WWC1: variants seen among roughly 807,000 people sequenced by gnomAD.
The protein encoded by WWC1 is WW and C2 domain containing 1.
A neutral mutation model predicts 138.4 loss-of-function variants in WWC1; 55 were observed. The observed-to-expected ratio is 0.40, with a 90% CI of 0.32 to 0.50. The LOEUF is 0.50. Ranked by LOEUF, WWC1 falls within the 20% of genes least tolerant of loss-of-function variation. The probability of loss-of-function intolerance (pLI) is 0.72; values close to 1 mark genes in which losing one functional copy is unlikely to be tolerated. For missense variants in WWC1, 1,226 were observed against 1,420.4 expected (o/e 0.86, Z 2.20); for synonymous variants, 524 against 564.9 (o/e 0.93, Z 1.03).
intron 10 of WWC1, among the ~76,000 whole-genome samples, chr5:168,422,914 C>T (rs13168943): frequency 0.2 from 29,681 of 151,794 alleles, 2,993 homozygotes; most frequent in South Asian, 0.37. Flanking sequence ...GGGAGGCCGA[C>T]GCAGGCGGAT....
At chr5:168,422,204 G>A in intron 10 of WWC1, 107 bp downstream of exon 10, 1 of 1,122,584 alleles carries the variant, frequency 8.9e-7, no homozygotes, top group Non-Finnish European at 1.3e-6. Flanking sequence ...CGTGGCTTGA[G>A]AGTGGATGTT....
chr5:168,336,984 G>A (rs1773530891), intron 1 of WWC1, among the ~76,000 whole-genome samples: 1 of 152,162 alleles, frequency 6.6e-6, no homozygotes, highest in African/African-American at 2.4e-5. Context: ...AATCTTGATT[G>A]CAAAGCATCA....
chr5:168,398,078 A>G (rs914654689), intron 4 of WWC1, among the ~76,000 whole-genome samples: 21 of 141,798 alleles, frequency 1.5e-4, no homozygotes, highest in Non-Finnish European at 2.8e-4. Context: ...TCTGCATTTT[A>G]TTATTTTTAT....
At chr5:168,351,542 G>A (rs1774956422) in intron 1 of WWC1, among the ~76,000 whole-genome samples, 1 of 152,190 alleles carries the variant, frequency 6.6e-6, no homozygotes, top group Admixed American at 6.5e-5. Flanking sequence ...CCATGAGTTA[G>A]GATATGATGG....
rs531542700 is a variant in WWC1, at chr5:168,414,804, C to G, written c.1184+214C>G. On this transcript the variant is annotated intron_variant, in intron 9 of 22. Transcript: ENST00000265293. ...TACCCTGGAATTTTGCATGGTGAATCATGCTACCAAAAAGTCTGCTTAGGT... is the reference window on the plus strand; with the variant it reads ...TACCCTGGAATTTTGCATGGTGAATGATGCTACCAAAAAGTCTGCTTAGGT... 1.4e-5 allele frequency: 9 copies of G among 665,736 alleles called. No individual in the cohort carries two copies. The African/African-American group carries it at 1.4e-4, about 11-fold the overall frequency. 41.2% of individuals were successfully genotyped at this position (665,736 alleles called of 1,614,324 possible). A position where few individuals can be genotyped will look rare whatever the true frequency, so the allele number is the denominator to read the frequency against.
At chr5:168,418,516 G>T (rs1374030976) in intron 9 of WWC1, among the ~76,000 whole-genome samples, 11 of 152,126 alleles carry the variant, frequency 7.2e-5, no homozygotes, top group Admixed American at 7.2e-4. Flanking sequence ...CTCCCAGCGT[G>T]TGCCAGGCAT....
chr5:168,321,360 G>A (rs967902081), intron 1 of WWC1, among the ~76,000 whole-genome samples: 1 of 152,070 alleles, frequency 6.6e-6, no homozygotes, highest in Admixed American at 6.6e-5. Flanking sequence ...TTTCCTTAGC[G>A]AGGCAGGAAG....
At chr5:168,463,347 A>G (rs1191486067) in intron 20 of WWC1, among the ~76,000 whole-genome samples, 1 of 152,154 alleles carries the variant, frequency 6.6e-6, no homozygotes, top group Non-Finnish European at 1.5e-5. Context: ...ACTTTGTATT[A>G]TCTTGCTAGC....
intron 1 of WWC1, among the ~76,000 whole-genome samples, chr5:168,364,904 T>G (rs1776173097): frequency 6.6e-6 from 1 of 152,240 alleles, no homozygotes; most frequent in Non-Finnish European, 1.5e-5. Flanking sequence ...CAGGGCCCTA[T>G]CTGTCTCTTT....
At chr5:168,317,572 C>G (rs548071272) in intron 1 of WWC1, among the ~76,000 whole-genome samples, 4 of 152,158 alleles carry the variant, frequency 2.6e-5, no homozygotes, top group African/African-American at 4.8e-5. Context: ...GGACTTCCCC[C>G]ACCAAGGCAT....
rs74898159 is a variant in WWC1 at position 168,387,589 on chromosome 5, G to A, written c.433+2175G>A. ...CTTCTTACAGTTCTAGAGCCTGGAC[G>A]TCTGAGATTCGGGTACTAGCATGGT... On this transcript the variant is annotated intron_variant, in intron 3 of 22. Transcript: ENST00000265293. Among the ~76,000 whole-genome samples, 783 of 152,252 alleles carry A rather than the reference G, an allele frequency of 5.1e-3. 7 individuals carry two copies. Among genetic ancestry groups the A allele is most frequent in the African/African-American group, 0.018 (752 of 41,532 alleles).
Position 168,409,907 on chromosome 5 carries a change from GTTC to G in WWC1, c.868-10_868-8del, listed in dbSNP as rs748626137. On this transcript the variant is annotated splice_polypyrimidine_tract_variant and intron_variant, in intron 7 of 22. Coordinates refer to ENST00000265293, the MANE Select transcript of WWC1 (RefSeq NM_015238.3). ...CAACAGCCACATAATTCCTGACTTT[GTTC>G]TTCTCCTCCAGTTCGGCATCAACAG... is the stretch of plus-strand genomic sequence containing the variant. 8.1e-6 allele frequency: 13 copies of G among 1,613,750 alleles called. No homozygotes were observed. The highest frequency in any genetic ancestry group is 2.2e-5 in the East Asian group (1 of 44,884).
chr5:168,468,810 G>C, intron 22 of WWC1, 141 bp from the exon 23 acceptor site: 2 of 755,740 alleles, frequency 2.6e-6, no homozygotes, highest in African/African-American at 3.5e-5. Flanking sequence ...CCAGCATCTA[G>C]AGGGTAAGAG....
chr5:168,340,282 G>A (rs1773937483), intron 1 of WWC1, among the ~76,000 whole-genome samples: 1 of 151,996 alleles, frequency 6.6e-6, no homozygotes, highest in African/African-American at 2.4e-5. Context: ...CCTCACGTTG[G>A]CCAGGCTGGT....
intron 1 of WWC1, among the ~76,000 whole-genome samples, chr5:168,369,302 T>G (rs1311557793): frequency 6.6e-6 from 1 of 152,206 alleles, no homozygotes; most frequent in Non-Finnish European, 1.5e-5. Flanking sequence ...ATTATACAGA[T>G]AAGAATACTG....
intron 5 of WWC1, among the ~76,000 whole-genome samples, chr5:168,403,943 T>C (rs1371910008): frequency 6.7e-6 from 1 of 149,266 alleles, no homozygotes; most frequent in Non-Finnish European, 1.5e-5. Context: ...AAAGATTCAT[T>C]CACCGTGTGC....
At chr5:168,429,584 T>G (rs1347377114) in intron 13 of WWC1, among the ~76,000 whole-genome samples, 2 of 152,128 alleles carry the variant, frequency 1.3e-5, no homozygotes, top group Admixed American at 1.3e-4. Context: ...TAGGAATTAG[T>G]TGACAACATT....
chr5:168,385,606 T>G (rs1777985368), intron 3 of WWC1, among the ~76,000 whole-genome samples, 192 bp downstream of exon 3: 1 of 152,220 alleles, frequency 6.6e-6, no homozygotes, highest in Non-Finnish European at 1.5e-5. Flanking sequence ...TTGCGTTTCA[T>G]TTTATTTCAT....
intron 1 of WWC1, among the ~76,000 whole-genome samples, chr5:168,305,645 T>A (rs1256450995): frequency 6.6e-6 from 1 of 152,166 alleles, no homozygotes; most frequent in Non-Finnish European, 1.5e-5. Context: ...AGCTCTGCAA[T>A]GGACGAATAA....
Sources: allele counts gnomAD v4.1 joint callset (sites outside exome capture counted in the v4.1 genomes callset), GRCh38; gene constraint gnomAD v4.1.1; transcripts MANE v1.5; gene names NCBI Gene and HGNC (gene_info 2026-07-23, HGNC 2026-07-21).